The following CACHD1 variants were observed in gnomAD, a reference collection of about 807,000 sequenced individuals.
CACHD1 encodes cache domain containing 1, also known as VWFA and cache domain-containing protein 1.
Under a neutral mutation model 138.7 loss-of-function variants are expected in CACHD1, and 71 were observed. That is an observed-to-expected ratio of 0.51 (90% CI 0.42 to 0.62). The LOEUF (loss-of-function observed/expected upper bound fraction) is 0.62. Among genes scored for constraint, CACHD1 ranks in the 20% least tolerant of loss-of-function variants. CACHD1 has a pLI of 0.00. For synonymous variants in CACHD1, 578 were observed against 591.5 expected (o/e 0.98, Z 0.33); for missense variants, 1,389 against 1,625.3 (o/e 0.85, Z 2.50).
At chr1:64,679,554 GA>G (rs1650101185) in intron 23 of CACHD1, 40 bp from the exon 24 acceptor site, 1 of 1,608,256 alleles carries the variant, frequency 6.2e-7, no homozygotes, top group Non-Finnish European at 8.5e-7. Context: ...CCCCACTTGG[GA>G]AATCTTAACA....
At chr1:64,493,853 G>C (rs897604577) in intron 1 of CACHD1, among the ~76,000 whole-genome samples, 1 of 152,202 alleles carries the variant, frequency 6.6e-6, no homozygotes, top group Non-Finnish European at 1.5e-5. Flanking sequence ...TTATAGAAGT[G>C]TATGCACATT....
chr1:64,475,622 C>A (rs1646170423), intron 1 of CACHD1, among the ~76,000 whole-genome samples: 1 of 152,136 alleles, frequency 6.6e-6, no homozygotes, highest in Admixed American at 6.5e-5. Context: ...TCTCTGCTCA[C>A]TGCAACCTCT....
chr1:64,556,123 G>C (rs1055991925), intron 2 of CACHD1, among the ~76,000 whole-genome samples: 2 of 152,130 alleles, frequency 1.3e-5, no homozygotes, highest in African/African-American at 4.8e-5. Flanking sequence ...TAAAGTAAAA[G>C]GTCAAGGTCT....
intron 1 of CACHD1, among the ~76,000 whole-genome samples, chr1:64,492,800 T>C (rs1192359430): frequency 6.6e-6 from 1 of 152,200 alleles, no homozygotes; most frequent in African/African-American, 2.4e-5. Context: ...ATGGAGGACA[T>C]GTTGATGTGA....
At chr1:64,521,398 C>A (rs184765462) in intron 1 of CACHD1, among the ~76,000 whole-genome samples, 1 of 152,246 alleles carries the variant, frequency 6.6e-6, no homozygotes, top group East Asian at 1.9e-4. Context: ...TAGTTTAGGC[C>A]CATTGGATAA....
chr1:64,519,455 T>A (rs1365982697), intron 1 of CACHD1, among the ~76,000 whole-genome samples: 1 of 152,182 alleles, frequency 6.6e-6, no homozygotes, highest in Non-Finnish European at 1.5e-5. Flanking sequence ...GTCTCTAAAG[T>A]GAAAAGATTG....
rs754629617 is a variant in CACHD1 at position 64,647,881 on chromosome 1, C to T, written c.1237C>T (p.Arg413Trp). 1.7e-5 allele frequency: 27 copies of T among 1,613,904 alleles called. No homozygotes were observed. Among genetic ancestry groups the T allele is most frequent in the African/African-American group, 2.7e-5 (2 of 74,870 alleles). ...QNSGKYGVPD[R>W]MALPVIKGSM... ...TTCAGGGAAGTACGGTGTGCCAGAC[C>T]GGATGGCCTTGCCTGTGATTAAGGG... The change falls in exon 9 of 27, where the codon CGG becomes TGG. Residue 413 changes from arginine to tryptophan, a missense_variant. Transcript: ENST00000651257.
At chr1:64,620,697 T>G (rs924157739) in intron 4 of CACHD1, among the ~76,000 whole-genome samples, 9 of 152,216 alleles carry the variant, frequency 5.9e-5, no homozygotes, top group African/African-American at 2.2e-4. Context: ...ACTCTTTCTT[T>G]CTTAATGCAT....
At chr1:64,518,489 T>G (rs1156664791) in intron 1 of CACHD1, among the ~76,000 whole-genome samples, 1 of 152,224 alleles carries the variant, frequency 6.6e-6, no homozygotes, top group Admixed American at 6.5e-5. Flanking sequence ...ATTGGAAATC[T>G]GTTTTTTTAG....
At chr1:64,640,620 G>A (rs1398159948) in intron 7 of CACHD1, among the ~76,000 whole-genome samples, 1 of 151,614 alleles carries the variant, frequency 6.6e-6, no homozygotes, top group Admixed American at 6.6e-5. Flanking sequence ...ATTGCAGTAA[G>A]CTGAGATCAT....
intron 1 of CACHD1, among the ~76,000 whole-genome samples, chr1:64,526,536 CAG>C (rs1464884641): frequency 4.6e-5 from 7 of 152,172 alleles, no homozygotes; most frequent in Non-Finnish European, 1.5e-5. Context: ...TGCTCCATAA[CAG>C]GGTTTCTTTT....
rs1340491227 is a variant in CACHD1 at position 64,664,502 on chromosome 1, C to T, written c.2099C>T (p.Ser700Phe). ...RLIANPGLKF[S>F]VRNEVMATSH... is the part of the protein sequence containing the mutation. ...ATGTCTTCCTTTGTTTCCCAGTTCT[C>T]TGTCAGAAATGAAGTAATGGCTACC... The change falls in exon 15 of 27, where the codon TCT becomes TTT. Residue 700 changes from serine (S) to phenylalanine (F), a missense_variant. Physicochemically the swap from Ser to Phe is radical, Grantham distance 155. Transcript: ENST00000651257. 6.2e-7 allele frequency: 1 copy of T among 1,613,966 alleles called. No homozygotes were observed. The highest frequency in any genetic ancestry group is 1.3e-5 in the African/African-American group (1 of 74,952).
chr1:64,515,169 A>T (rs1646449697), intron 1 of CACHD1, among the ~76,000 whole-genome samples: 1 of 152,204 alleles, frequency 6.6e-6, no homozygotes, highest in Admixed American at 6.5e-5. Flanking sequence ...TAATTCTTAG[A>T]TTTTCCTTCC....
chr1:64,605,340 G>A (rs1489578447), intron 4 of CACHD1, among the ~76,000 whole-genome samples: 1 of 151,982 alleles, frequency 6.6e-6, no homozygotes, highest in Non-Finnish European at 1.5e-5. Flanking sequence ...AGATCTAGAT[G>A]GATCACACAT....
intron 26 of CACHD1, among the ~76,000 whole-genome samples, chr1:64,686,553 T>A (rs1379878335): frequency 6.6e-6 from 1 of 152,172 alleles, no homozygotes; most frequent in East Asian, 1.9e-4. Flanking sequence ...CCCTCACAAG[T>A]GGAGGTTAGA....
chr1:64,475,857 C>T (rs1262715306), intron 1 of CACHD1, among the ~76,000 whole-genome samples: 1 of 152,184 alleles, frequency 6.6e-6, no homozygotes, highest in Non-Finnish European at 1.5e-5. Context: ...AAGCCTAGTC[C>T]ATGCCCTTAA....
At chr1:64,478,967 A>T (rs1557455808) in intron 1 of CACHD1, among the ~76,000 whole-genome samples, 1 of 151,484 alleles carries the variant, frequency 6.6e-6, no homozygotes, top group Non-Finnish European at 1.5e-5. Flanking sequence ...TTGGCAACTA[A>T]TTCAGTTTAA....
intron 4 of CACHD1, among the ~76,000 whole-genome samples, chr1:64,610,749 A>T (rs1487911910): frequency 6.6e-6 from 1 of 152,156 alleles, no homozygotes; most frequent in African/African-American, 2.4e-5. Flanking sequence ...TGAATCTACC[A>T]TTCTGGAGTC....
intron 3 of CACHD1, among the ~76,000 whole-genome samples, chr1:64,596,024 T>C (rs1316666192): frequency 6.6e-6 from 1 of 152,184 alleles, no homozygotes; most frequent in East Asian, 1.9e-4. Context: ...AAGGAAAAAC[T>C]ATTTCTCGGA....
Sources: gnomAD v4.1 joint callset for allele counts (sites outside exome capture counted in the v4.1 genomes callset) on GRCh38, gnomAD v4.1.1 for gene constraint, MANE v1.5 for transcripts, NCBI Gene and HGNC (gene_info 2026-07-23, HGNC 2026-07-21) for gene names.